Variants in IKZF2 observed in about 807,000 individuals in gnomAD.
IKZF2 encodes the protein IKAROS family zinc finger 2, also known as zinc finger protein Helios.
In IKZF2, 15 loss-of-function variants were observed where a neutral mutation model predicts 49.2. The ratio of observed to expected loss-of-function variants is 0.30; its 90% CI spans 0.20 to 0.47. The LOEUF is 0.47. Among genes scored for constraint, IKZF2 ranks in the 20% least tolerant of loss-of-function variants. The pLI, the probability that IKZF2 is intolerant of heterozygous loss-of-function variation, is 1.00. For missense variants in IKZF2, 567 were observed against 664.6 expected, an observed-to-expected ratio of 0.85 and a Z score of 1.61; for synonymous variants, 227 against 221.4, an observed-to-expected ratio of 1.03 and a Z score of -0.23.
At chr2:213,009,792 T>C (rs1221620613) in intron 8 of IKZF2, among the ~76,000 whole-genome samples, 3 of 151,980 alleles carry the variant, frequency 2.0e-5, no homozygotes, top group Admixed American at 6.6e-5. Flanking sequence ...GGAACACTTC[T>C]TGAAGGAAAT....
chr2:213,090,601 GC>G (rs1672119908), intron 4 of IKZF2, among the ~76,000 whole-genome samples: 1 of 152,158 alleles, frequency 6.6e-6, no homozygotes, highest in Non-Finnish European at 1.5e-5. Flanking sequence ...TTTAAAAATT[GC>G]AGATGTAATG....
chr2:213,065,520 A>G (rs971196112), intron 4 of IKZF2, among the ~76,000 whole-genome samples: 1 of 152,098 alleles, frequency 6.6e-6, no homozygotes, highest in African/African-American at 2.4e-5. Flanking sequence ...AAATATAACA[A>G]TACAGATTTA....
chr2:213,048,214 C>T (rs749154524), intron 6 of IKZF2, among the ~76,000 whole-genome samples: 1 of 152,002 alleles, frequency 6.6e-6, no homozygotes, highest in African/African-American at 2.4e-5. Flanking sequence ...AAAATCATAA[C>T]TTGATATACT....
At chr2:213,023,910 C>T (rs2125124419) in intron 6 of IKZF2, among the ~76,000 whole-genome samples, 1 of 152,280 alleles carries the variant, frequency 6.6e-6, no homozygotes, top group South Asian at 2.1e-4. Context: ...TTTCTGTAAG[C>T]AATCATTATA....
In IKZF2 at chr2:213,021,974, G is replaced by T; in HGVS notation, c.712+19C>A. ...AGCAGTAGGGGGAAATAAAAATGATGAATCCAGTTTCTACCCACCATGGTG... is the reference window on the plus strand; with the variant it reads ...AGCAGTAGGGGGAAATAAAAATGATTAATCCAGTTTCTACCCACCATGGTG... On this transcript the variant is annotated intron_variant, in intron 7 of 8. Coordinates refer to ENST00000434687, the MANE Select transcript of IKZF2 (RefSeq NM_001387220.1). The T allele has an allele frequency of 6.3e-7, 1 of 1,591,642 alleles. No individual in the cohort carries two copies. Among genetic ancestry groups the T allele is most frequent in the South Asian group, 1.2e-5 (1 of 86,478 alleles).
intron 6 of IKZF2, among the ~76,000 whole-genome samples, chr2:213,027,443 T>TGGATGTAAG (rs1559178375): frequency 1.3e-5 from 2 of 152,126 alleles, no homozygotes; most frequent in Admixed American, 1.3e-4. Flanking sequence ...CACTTACCCC[T>TGGATGTAAG]TCCTCTGAGG....
rs1390132001 is a variant in IKZF2, at chr2:213,090,572, A to T, written c.140-33473T>A. On this transcript the variant is annotated intron_variant, in intron 4 of 8. Coordinates refer to ENST00000434687, the MANE Select transcript of IKZF2 (RefSeq NM_001387220.1). ...TACTCTTTTCACCAAAAAACAAGCC[A>T]ATTTAAAAACTAAGTTTCTTTAAAA... Among the ~76,000 whole-genome samples, 3 of 152,206 alleles carry T rather than the reference A, an allele frequency of 2.0e-5. No individual in the cohort carries two copies. The East Asian group carries it at 5.8e-4, about 29-fold the overall frequency.
intron 4 of IKZF2, among the ~76,000 whole-genome samples, chr2:213,095,788 T>C (rs897222770): frequency 1.3e-5 from 2 of 152,062 alleles, no homozygotes; most frequent in African/African-American, 2.4e-5. Context: ...AAATAAGTTA[T>C]TGTTAAGTAT....
rs115495503 is a variant in IKZF2, at chr2:213,137,966, C to T, written c.139+9742G>A. Among the ~76,000 whole-genome samples the T allele has an allele frequency of 6.9e-3, 1,045 of 152,152 alleles. 7 individuals carry two copies. Among genetic ancestry groups the T allele is most frequent in the Non-Finnish European group, 0.011 (771 of 67,906 alleles). On this transcript the variant is annotated intron_variant, in intron 4 of 8. Coordinates refer to ENST00000434687, the MANE Select transcript of IKZF2 (RefSeq NM_001387220.1). Reference sequence around the variant, plus strand: ...TAGACAAGGGTAAGGAGAACTACAGCTTCAATGATAATGAGAGCAATGACA... The same window carrying T: ...TAGACAAGGGTAAGGAGAACTACAGTTTCAATGATAATGAGAGCAATGACA...
At chr2:213,031,063 T>C (rs1165337105) in intron 6 of IKZF2, among the ~76,000 whole-genome samples, 2 of 152,178 alleles carry the variant, frequency 1.3e-5, no homozygotes, top group African/African-American at 4.8e-5. Flanking sequence ...TGACCTCAAG[T>C]GATCCGCCCG....
rs116195335 is a variant in IKZF2, at chr2:213,081,332, T to C, written c.140-24233A>G. The C allele has an allele frequency of 4.3e-3, 662 of 153,758 alleles. 5 individuals are homozygous for C. Among genetic ancestry groups the C allele is most frequent in the African/African-American group, 0.015 (617 of 41,524 alleles). The allele number at this position is 153,758 out of a possible 1,614,324, so 9.5% of individuals were successfully genotyped here. ...TAGATTCAATTAAATCCAGTATCTATAATATCCTCCAAGTAGATGCAGGAC... is the reference window on the plus strand; with the variant it reads ...TAGATTCAATTAAATCCAGTATCTACAATATCCTCCAAGTAGATGCAGGAC... On this transcript the variant is annotated intron_variant, in intron 4 of 8. Coordinates refer to ENST00000434687, the MANE Select transcript of IKZF2 (RefSeq NM_001387220.1).
At chr2:213,069,949 T>G (rs1378339520) in intron 4 of IKZF2, among the ~76,000 whole-genome samples, 2 of 152,134 alleles carry the variant, frequency 1.3e-5, no homozygotes, top group Admixed American at 1.3e-4. Flanking sequence ...ATTGCATGAC[T>G]AATTTACCTA....
intron 4 of IKZF2, chr2:213,098,027 A>G (rs1706223947): frequency 4.1e-6 from 1 of 242,676 alleles, no homozygotes; most frequent in Non-Finnish European, 8.7e-6. Flanking sequence ...AATCAATCTC[A>G]AAAAAGTCAC....
At chr2:213,146,760 G>GGT (rs1553604941) in intron 4 of IKZF2, among the ~76,000 whole-genome samples, 155 of 2,652 alleles carry the variant, frequency 0.058, 15 homozygotes, top group African/African-American at 0.16. Flanking sequence ...TTAAATCTTC[G>GGT]GGGGGGGGGA....
chr2:213,016,973 G>A lies in IKZF2; in HGVS notation c.713-3039C>T, dbSNP rs577123066. 12 of 152,204 alleles carry A rather than the reference G, an allele frequency of 7.9e-5. No individual in the cohort carries two copies. The South Asian group carries it at 2.1e-3, about 26-fold the overall frequency. The allele number at this position is 152,204 out of a possible 1,614,324, so 9.4% of individuals were successfully genotyped here. The stretch of plus-strand genomic sequence containing the variant: ...GCACTCTTGTTATCAAGAGAAGGAG[G>A]AAGGGATGTCAGGCAGGCAAAAACA... On this transcript the variant is annotated intron_variant, in intron 7 of 8. Coordinates refer to ENST00000434687, the MANE Select transcript of IKZF2 (RefSeq NM_001387220.1).
chr2:213,100,516 C>T (rs988508460), intron 4 of IKZF2, among the ~76,000 whole-genome samples: 1 of 151,886 alleles, frequency 6.6e-6, no homozygotes, highest in Non-Finnish European at 1.5e-5. Context: ...ACCATAGGGG[C>T]CCCTTGGTGA....
chr2:213,014,178 T>C (rs1328102390), intron 7 of IKZF2: 5 of 273,766 alleles, frequency 1.8e-5, no homozygotes, highest in Non-Finnish European at 3.4e-5. Flanking sequence ...GTTGCCACTA[T>C]TGGTGGCAAA....
chr2:213,098,216 T>C (rs1186797092), intron 4 of IKZF2, among the ~76,000 whole-genome samples: 1 of 152,104 alleles, frequency 6.6e-6, no homozygotes, highest in East Asian at 1.9e-4. Context: ...CAGATGATTC[T>C]AATGTGCAGC....
intron 6 of IKZF2, among the ~76,000 whole-genome samples, chr2:213,038,716 T>C (rs1396513453): frequency 2.0e-5 from 3 of 152,032 alleles, no homozygotes; most frequent in East Asian, 1.9e-4. Context: ...TAAAACAAAA[T>C]AGAAACTGGT....
Sources: gnomAD v4.1 joint callset for allele counts (sites outside exome capture counted in the v4.1 genomes callset) on GRCh38, gnomAD v4.1.1 for gene constraint, MANE v1.5 for transcripts, NCBI Gene and HGNC (gene_info 2026-07-23, HGNC 2026-07-21) for gene names.